The following CFAP299 variants were observed in gnomAD, a reference collection of about 807,000 sequenced individuals.
CFAP299 encodes the protein cilia- and flagella-associated protein 299.
A neutral mutation model predicts 27.0 loss-of-function variants in CFAP299; 21 were observed. The ratio of observed to expected loss-of-function variants is 0.78; its 90% CI spans 0.55 to 1.12. The LOEUF is 1.12. CFAP299 is among the 50% of genes most tolerant of loss of function. The pLI is 0.00. For missense variants in CFAP299, 310 were observed against 276.6 expected (o/e 1.12, Z -0.86); for synonymous variants, 104 against 98.1 (o/e 1.06, Z -0.36).
chr4:80,718,764 G>A (rs1722636366), intron 3 of CFAP299, among the ~76,000 whole-genome samples: 1 of 151,976 alleles, frequency 6.6e-6, no homozygotes, highest in Admixed American at 6.6e-5. Flanking sequence ...ACTCTCAGGT[G>A]AAAAGGGAAA....
At chr4:80,680,586 T>C (rs928872198) in intron 3 of CFAP299, among the ~76,000 whole-genome samples, 1 of 152,112 alleles carries the variant, frequency 6.6e-6, no homozygotes, top group African/African-American at 2.4e-5. Flanking sequence ...ATCTGCCTAT[T>C]GGACAAAGAT....
chr4:80,498,030 G>A (rs75915155), intron 2 of CFAP299, among the ~76,000 whole-genome samples: 5,562 of 151,946 alleles, frequency 0.037, 354 homozygotes, highest in African/African-American at 0.12. Flanking sequence ...TTCAGTAAAC[G>A]GTGCTAGCTA....
chr4:80,520,663 G>A (rs1285908392), intron 2 of CFAP299, among the ~76,000 whole-genome samples: 2 of 152,122 alleles, frequency 1.3e-5, no homozygotes, highest in East Asian at 1.9e-4. Flanking sequence ...CTCTCTTCAC[G>A]CATAGTGGGG....
At chr4:80,749,993 A>C (rs1724844257) in intron 3 of CFAP299, among the ~76,000 whole-genome samples, 1 of 152,222 alleles carries the variant, frequency 6.6e-6, no homozygotes, top group Non-Finnish European at 1.5e-5. Flanking sequence ...AAATCTTAGC[A>C]ATTATTAAAG....
At chr4:80,917,379 T>A (rs534729849) in intron 4 of CFAP299, among the ~76,000 whole-genome samples, 2 of 152,306 alleles carry the variant, frequency 1.3e-5, no homozygotes, top group African/African-American at 4.8e-5. Context: ...ATGTCACTCT[T>A]ACATTACTAA....
At chr4:80,459,677 C>T (rs1729343997) in intron 2 of CFAP299, among the ~76,000 whole-genome samples, 1 of 152,068 alleles carries the variant, frequency 6.6e-6, no homozygotes, top group African/African-American at 2.4e-5. Flanking sequence ...AGAAAAAAAA[C>T]AGAAAAACTG....
At chr4:80,957,180 T>C (rs1738112443) in intron 5 of CFAP299, among the ~76,000 whole-genome samples, 1 of 152,200 alleles carries the variant, frequency 6.6e-6, no homozygotes, top group Non-Finnish European at 1.5e-5. Context: ...GTTGGACTTA[T>C]TTCAGTATCT....
chr4:80,526,786 A>G (rs1196632746), intron 2 of CFAP299, among the ~76,000 whole-genome samples: 3 of 152,120 alleles, frequency 2.0e-5, no homozygotes, highest in Non-Finnish European at 2.9e-5. Context: ...CTCATATTAC[A>G]TTTTACCTTA....
chr4:80,472,686 AG>A (rs1730066135), intron 2 of CFAP299, among the ~76,000 whole-genome samples: 1 of 152,214 alleles, frequency 6.6e-6, no homozygotes, highest in Non-Finnish European at 1.5e-5. Flanking sequence ...ACTTATTAAA[AG>A]CATGCAGTTT....
intron 5 of CFAP299, 145 bp downstream of exon 5, chr4:80,945,084 T>C (rs1193254979): frequency 5.4e-6 from 4 of 741,378 alleles, no homozygotes; most frequent in Non-Finnish European, 9.0e-6. Flanking sequence ...GAGCATGTAC[T>C]ACCTTTTAAA....
At chr4:80,823,951 A>C (rs1195330901) in intron 3 of CFAP299, among the ~76,000 whole-genome samples, 1 of 152,246 alleles carries the variant, frequency 6.6e-6, no homozygotes, top group East Asian at 1.9e-4. Context: ...CAAATTTATA[A>C]ATTTTTATAA....
At chr4:80,580,966 C>T (rs763650588) in intron 2 of CFAP299, among the ~76,000 whole-genome samples, 13 of 151,810 alleles carry the variant, frequency 8.6e-5, no homozygotes, top group African/African-American at 2.2e-4. Context: ...GATGAAGAGC[C>T]GCAGTAAACC....
intron 3 of CFAP299, among the ~76,000 whole-genome samples, chr4:80,635,779 G>A (rs1560669748): frequency 6.6e-6 from 1 of 152,074 alleles, no homozygotes; most frequent in Non-Finnish European, 1.5e-5. Flanking sequence ...ACCCATGTAA[G>A]TACTGAAAGT....
chr4:80,350,790 A>G (rs1444533251), intron 1 of CFAP299, among the ~76,000 whole-genome samples: 2 of 151,950 alleles, frequency 1.3e-5, no homozygotes, highest in Non-Finnish European at 2.9e-5. Flanking sequence ...TTGGGGGTGG[A>G]GGGAAAGGGG....
At chr4:80,613,359 A>T (rs1434248883) in intron 3 of CFAP299, among the ~76,000 whole-genome samples, 1 of 152,114 alleles carries the variant, frequency 6.6e-6, no homozygotes, top group African/African-American at 2.4e-5. Flanking sequence ...AGGATAATTA[A>T]TACATTATTT....
intron 2 of CFAP299, among the ~76,000 whole-genome samples, chr4:80,562,696 C>T (rs1001482220): frequency 8.5e-5 from 11 of 129,470 alleles, no homozygotes; most frequent in South Asian, 2.2e-4. Context: ...ATAATAATAA[C>T]AACAACAACA....
intron 3 of CFAP299, among the ~76,000 whole-genome samples, chr4:80,693,007 A>C (rs2110018535): frequency 6.6e-6 from 1 of 152,390 alleles, no homozygotes; most frequent in South Asian, 2.1e-4. Flanking sequence ...ATACCATCTC[A>C]CACGAGTTAG....
In CFAP299 at chr4:80,527,512, T is replaced by G. The variant is rs900960996; in HGVS notation, c.243-55581T>G. Among the ~76,000 whole-genome samples the G allele has an allele frequency of 2.6e-5, 4 of 152,090 alleles. No homozygotes were observed. The South Asian group carries it at 8.3e-4, about 31-fold the overall frequency. On this transcript the variant is annotated intron_variant, in intron 2 of 5. Transcript: ENST00000358105. The stretch of plus-strand genomic sequence containing the variant: ...CTTTTCTAAAAGCTCCTAATAACTT[T>G]CTGTTGTTTAGAGGATAGTGAGCAA...
At chr4:80,567,270 G>A (rs1002569911) in intron 2 of CFAP299, among the ~76,000 whole-genome samples, 2 of 151,924 alleles carry the variant, frequency 1.3e-5, no homozygotes, top group African/African-American at 4.8e-5. Context: ...AAAAAGACGG[G>A]GAAAGTGATG....
Sources: gnomAD v4.1 joint callset for allele counts (sites outside exome capture counted in the v4.1 genomes callset) on GRCh38, gnomAD v4.1.1 for gene constraint, MANE v1.5 for transcripts, NCBI Gene and HGNC (gene_info 2026-07-23, HGNC 2026-07-21) for gene names.